Variants in MMP16 observed in about 807,000 individuals in gnomAD.
MMP16 encodes matrix metalloproteinase-16.
In MMP16, 12 loss-of-function variants were observed where a neutral mutation model predicts 67.8. The ratio of observed to expected loss-of-function variants is 0.18; its 90% CI spans 0.11 to 0.29. MMP16 has a LOEUF of 0.29. Ranked by LOEUF, MMP16 falls within the 10% of genes least tolerant of loss-of-function variation. The pLI is 1.00. For missense variants in MMP16, 475 were observed against 765.7 expected (o/e 0.62, Z 4.48); for synonymous variants, 249 against 255.9 (o/e 0.97, Z 0.26).
chr8:88,258,045 T>C (rs1040510821), intron 1 of MMP16, among the ~76,000 whole-genome samples: 14 of 68,434 alleles, frequency 2.0e-4, no homozygotes, highest in Non-Finnish European at 3.3e-4. Flanking sequence ...ACTCTTTTTC[T>C]TTTTTTTTTT....
intron 1 of MMP16, among the ~76,000 whole-genome samples, chr8:88,247,815 T>C (rs1039726830): frequency 2.6e-5 from 4 of 152,042 alleles, no homozygotes; most frequent in Non-Finnish European, 2.9e-5. Context: ...AACAATGTCA[T>C]GGGGGCACAT....
At chr8:88,192,190 C>A (rs952338607) in intron 2 of MMP16, among the ~76,000 whole-genome samples, 1 of 152,052 alleles carries the variant, frequency 6.6e-6, no homozygotes, top group African/African-American at 2.4e-5. Context: ...AGAGTCAAGT[C>A]CAGTTGCCAT....
intron 3 of MMP16, among the ~76,000 whole-genome samples, chr8:88,177,214 C>T (rs761554786): frequency 4.6e-5 from 7 of 152,150 alleles, no homozygotes; most frequent in East Asian, 1.9e-4. Flanking sequence ...GTATATATTT[C>T]GTATGTTGGT....
chr8:88,225,322 G>A (rs1321113864), intron 1 of MMP16, among the ~76,000 whole-genome samples: 1 of 151,938 alleles, frequency 6.6e-6, no homozygotes, highest in Non-Finnish European at 1.5e-5. Context: ...CATACAGACT[G>A]TGTTTGTCCA....
intron 3 of MMP16, among the ~76,000 whole-genome samples, chr8:88,185,068 T>A (rs1303784729): frequency 6.6e-6 from 1 of 152,178 alleles, no homozygotes; most frequent in Non-Finnish European, 1.5e-5. Context: ...TCTTTGATTT[T>A]TCTTATCTGC....
chr8:88,194,888 G>C (rs1277866944), intron 2 of MMP16, among the ~76,000 whole-genome samples: 1 of 151,856 alleles, frequency 6.6e-6, no homozygotes, highest in Non-Finnish European at 1.5e-5. Flanking sequence ...AAACAAACAA[G>C]GAAAAAAGTC....
At chr8:88,107,887 A>C (rs1309934141) in intron 6 of MMP16, among the ~76,000 whole-genome samples, 1 of 151,166 alleles carries the variant, frequency 6.6e-6, no homozygotes, top group Non-Finnish European at 1.5e-5. Flanking sequence ...CCATAGCTTG[A>C]TATATGAAAA....
chr8:88,049,253 T>C (rs1808239688), intron 8 of MMP16, among the ~76,000 whole-genome samples: 1 of 152,232 alleles, frequency 6.6e-6, no homozygotes, highest in African/African-American at 2.4e-5. Context: ...TAGTGTATCA[T>C]GCCACCAATT....
intron 1 of MMP16, among the ~76,000 whole-genome samples, chr8:88,215,114 A>T (rs886440328): frequency 2.0e-5 from 3 of 152,134 alleles, no homozygotes; most frequent in African/African-American, 7.2e-5. Context: ...TCACGAGGTC[A>T]GGGGTTCAAG....
chr8:88,173,030 G>A (rs939584268), intron 3 of MMP16, among the ~76,000 whole-genome samples: 1 of 152,046 alleles, frequency 6.6e-6, no homozygotes, highest in African/African-American at 2.4e-5. Flanking sequence ...ATTAGTAATG[G>A]TTATAACTCT....
At chr8:88,163,016 G>T (rs537158729) in intron 4 of MMP16, among the ~76,000 whole-genome samples, 1 of 152,106 alleles carries the variant, frequency 6.6e-6, no homozygotes, top group African/African-American at 2.4e-5. Flanking sequence ...TTCAAATTTT[G>T]TAGGCCTCTA....
In MMP16 at chr8:88,039,019, C is replaced by A. The variant is rs1488357680; in HGVS notation, c.*2442G>T. On this transcript the variant is annotated 3_prime_UTR_variant, in exon 10 of 10. Transcript: ENST00000286614. The surrounding 1 kb of genome is among the most constrained non-coding windows in gnomAD (Gnocchi z 4.5). The stretch of plus-strand genomic sequence containing the variant: ...ACAATTATAAAATATTTTCCCCAAC[C>A]AAATCATAAACATGTAGTTTAACCA... 1 of 152,496 alleles carries A rather than the reference C, an allele frequency of 6.6e-6. No homozygotes were observed. Among genetic ancestry groups the A allele is most frequent in the East Asian group, 1.9e-4 (1 of 5,182 alleles). The allele number at this position is 152,496 out of a possible 1,614,324, so 9.4% of individuals were successfully genotyped here.
chr8:88,075,938 T>TACACACACACACAC (rs71556442), intron 6 of MMP16, among the ~76,000 whole-genome samples: 12,005 of 140,300 alleles, frequency 0.086, 569 homozygotes, highest in South Asian at 0.11. Context: ...CATATATTCA[T>TACACACACACACAC]ACACACACAC....
intron 1 of MMP16, among the ~76,000 whole-genome samples, chr8:88,325,729 GT>G (rs1207667275): frequency 2.0e-5 from 3 of 151,908 alleles, no homozygotes; most frequent in South Asian, 4.2e-4. Context: ...AACCTTTTTA[GT>G]TTTCAAATTG....
rs142596441 is a variant in MMP16, at chr8:88,085,523, G to T, written c.1084-10780C>A. On this transcript the variant is annotated intron_variant, in intron 6 of 9. Coordinates refer to ENST00000286614, the MANE Select transcript of MMP16 (RefSeq NM_005941.5). ...ATGATGCAGCAGTACATCTCAATAG[G>T]TCAAATCACTTTGGGTACTGCCAGT... is the stretch of plus-strand genomic sequence containing the variant. Among the ~76,000 whole-genome samples the T allele has an allele frequency of 9.9e-3, 1,509 of 152,076 alleles. 11 individuals are homozygous for T. Among genetic ancestry groups the T allele is most frequent in the South Asian group, 0.026 (125 of 4,824 alleles).
chr8:88,274,567 C>A (rs1810615494), intron 1 of MMP16, among the ~76,000 whole-genome samples: 1 of 151,918 alleles, frequency 6.6e-6, no homozygotes. Context: ...TGAATAAATG[C>A]ATGAAGGAAC....
intron 4 of MMP16, among the ~76,000 whole-genome samples, chr8:88,167,459 C>G (rs1302429580): frequency 1.3e-5 from 2 of 152,114 alleles, no homozygotes; most frequent in Non-Finnish European, 2.9e-5. Flanking sequence ...AGGTTCTAAT[C>G]TTTAATCAAA....
intron 1 of MMP16, among the ~76,000 whole-genome samples, chr8:88,200,553 A>C (rs1490881972): frequency 6.6e-6 from 1 of 152,056 alleles, no homozygotes; most frequent in Non-Finnish European, 1.5e-5. Context: ...GAACAACCAG[A>C]AGACTGTTGT....
rs1017563820 is a variant in MMP16, at chr8:88,033,475, G to A, written c.*7986C>T. The A allele has an allele frequency of 6.6e-6, 1 of 151,630 alleles. No homozygotes were observed. Among genetic ancestry groups the A allele is most frequent in the Non-Finnish European group, 1.5e-5 (1 of 67,852 alleles). The allele number at this position is 151,630 out of a possible 1,614,324, so 9.4% of individuals were successfully genotyped here. On this transcript the variant is annotated 3_prime_UTR_variant, in exon 10 of 10. Transcript: ENST00000286614. ...GATAGGTTACTATACTGATGAAGCA[G>A]GCAAGTTTCTCAAGGTCAATAATTG...
Sources: allele counts gnomAD v4.1 joint callset (sites outside exome capture counted in the v4.1 genomes callset), GRCh38; gene constraint gnomAD v4.1.1; non-coding constraint Gnocchi (gnomAD v3.1); transcripts MANE v1.5; gene names NCBI Gene and HGNC (gene_info 2026-07-23, HGNC 2026-07-21).